Variants in RIPK3 observed in about 807,000 individuals in gnomAD.
RIPK3 encodes receptor-interacting serine/threonine-protein kinase 3.
A neutral mutation model predicts 51.6 loss-of-function variants in RIPK3; 51 were observed. The ratio of observed to expected loss-of-function variants is 0.99; its 90% confidence interval spans 0.79 to 1.25. The LOEUF (loss-of-function observed/expected upper bound fraction) is 1.25. Ranked by LOEUF, RIPK3 falls within the 50% of genes most tolerant of loss-of-function variation. RIPK3 has a pLI of 0.00. For synonymous variants in RIPK3, 246 were observed against 257.7 expected (o/e 0.95, Z 0.44); for missense variants, 654 against 650.4 (o/e 1.01, Z -0.06).
intron 3 of RIPK3, 172 bp downstream of exon 3, chr14:24,338,843 A>G (rs2042160809): frequency 1.5e-6 from 1 of 671,234 alleles, no homozygotes; most frequent in Non-Finnish European, 2.5e-6. Flanking sequence ...ATCACCTGGT[A>G]GGCAGGAGCT....
Position 24,339,364 on chromosome 14 carries a change from G to A in RIPK3, c.162-40C>T. ...AGAGCTGGAGTCGCACCGGGGTCGT[G>A]GGAAAATCCCTCCCTTCGCCATTCA... On this transcript the variant is annotated intron_variant, in intron 2 of 9. Coordinates refer to ENST00000216274, the MANE Select transcript of RIPK3 (RefSeq NM_006871.4). This position sits in a 1 kb window ranked among gnomAD's most constrained non-coding sequence, Gnocchi z 4.0. 6.2e-7 allele frequency: 1 copy of A among 1,607,864 alleles called. No individual in the cohort carries two copies. The highest frequency in any genetic ancestry group is 8.5e-7 in the Non-Finnish European group (1 of 1,175,476).
At chr14:24,338,672 A>C (rs1210266772) in intron 3 of RIPK3, 105 bp from the exon 4 acceptor site, 4 of 1,457,306 alleles carry the variant, frequency 2.7e-6, no homozygotes, top group African/African-American at 1.4e-5. Context: ...TTGTAAAGGG[A>C]GTGTGGAGGT....
In RIPK3 at chr14:24,337,766, G is replaced by A. The variant is rs758877093; in HGVS notation, c.833-4C>T. 6.2e-7 allele frequency: 1 copy of A among 1,614,020 alleles called. No individual in the cohort carries two copies. Among genetic ancestry groups the A allele is most frequent in the Admixed American group, 1.7e-5 (1 of 60,000 alleles). ...TCATCAGTTTTTGGTAGGCATTCTA[G>A]AGGGACAGCAGAGTGGAGTGCAGGT... On this transcript the variant is annotated splice_region_variant and splice_polypyrimidine_tract_variant and intron_variant, in intron 6 of 9. Coordinates refer to ENST00000216274, the MANE Select transcript of RIPK3 (RefSeq NM_006871.4).
intron 8 of RIPK3, 45 bp from the exon 9 acceptor site, chr14:24,336,990 C>G (rs960810636): frequency 3.1e-6 from 5 of 1,608,064 alleles, no homozygotes; most frequent in Non-Finnish European, 4.3e-6. Context: ...GAGCCTGGCA[C>G]TCCCACTGCA....
At chr14:24,336,497 T>A in intron 9 of RIPK3, 102 bp from the exon 10 acceptor site, 4 of 1,496,364 alleles carry the variant, frequency 2.7e-6, no homozygotes, top group Non-Finnish European at 3.6e-6. Flanking sequence ...AGTGGCTGTG[T>A]CAAGGTGTGC....
rs988003383 is a variant in RIPK3 at position 24,338,554 on chromosome 14, C to A, written c.485G>T (p.Gly162Val). 1.8e-5 allele frequency: 29 copies of A among 1,597,406 alleles called. No individual in the cohort carries two copies. The South Asian group carries it at 2.7e-4, about 15-fold the overall frequency. Reference protein sequence around the residue: ...PELHVKLADFGLSTFQGGSQS... With the variant: ...PELHVKLADFVLSTFQGGSQS... Reference sequence around the variant, plus strand: ...TGAGCCTCCCTGAAATGTGGACAGGCCAAAATCTGCCAGCTGCAAAGGAAG... The same window carrying A: ...TGAGCCTCCCTGAAATGTGGACAGGACAAAATCTGCCAGCTGCAAAGGAAG... Residue 162 changes from glycine (G) to valine (V), a missense_variant, in exon 4 of 10, where the codon GGC becomes GTC. Coordinates refer to ENST00000216274, the MANE Select transcript of RIPK3 (RefSeq NM_006871.4).
rs565407358 is a variant in RIPK3 at position 24,336,202 on chromosome 14, C to G, written c.1530G>C (p.Gln510His). Residue 510 changes from glutamine to histidine, a missense_variant, in exon 10 of 10, where the codon CAG becomes CAC. By Grantham distance (24) the Gln-to-His change is conservative. Coordinates refer to ENST00000216274, the MANE Select transcript of RIPK3 (RefSeq NM_006871.4). Reference sequence around the variant, plus strand: ...ATTTCCCGCTATGATTATACCAACCCTGTGGCCTGCTCCAGGCTTCAGGAT... The same window carrying G: ...ATTTCCCGCTATGATTATACCAACCGTGTGGCCTGCTCCAGGCTTCAGGAT... The part of the protein sequence containing the change: ...PKDPEAWSRP[Q>H]GWYNHSGK 2 of 1,613,922 alleles carry G rather than the reference C, an allele frequency of 1.2e-6. No homozygotes were observed. Among genetic ancestry groups the G allele is most frequent in the African/African-American group, 2.7e-5 (2 of 75,040 alleles).
In RIPK3 at chr14:24,339,749, T is replaced by TG; in HGVS notation, c.20+57dup. 1.9e-6 allele frequency: 3 copies of TG among 1,565,484 alleles called. No individual in the cohort carries two copies. In the South Asian group the frequency reaches 3.6e-5, roughly 19 times the overall value. On this transcript the variant is annotated intron_variant, in intron 1 of 9. Transcript: ENST00000216274. This position sits in a 1 kb window ranked among gnomAD's most constrained non-coding sequence, Gnocchi z 4.0. ...CAAAGACGTTCTCTGAGCGAGTCTGTGGGGCTCTCTGGGTGTGAATGTCGG... is the reference window on the plus strand; with the variant it reads ...CAAAGACGTTCTCTGAGCGAGTCTGTGGGGGCTCTCTGGGTGTGAATGTCGG...
chr14:24,339,956 C>A lies in RIPK3; in HGVS notation c.-130G>T. On this transcript the variant is annotated 5_prime_UTR_variant, in exon 1 of 10. Coordinates refer to ENST00000216274, the MANE Select transcript of RIPK3 (RefSeq NM_006871.4). The surrounding 1 kb of genome is among the most constrained non-coding windows in gnomAD (Gnocchi z 4.0). ...GCAGGGGTCAGTCTCTAGACCAAGA[C>A]GGTGAGTCTACTTTCCGGGTTGTTA... The A allele has an allele frequency of 2.1e-6, 2 of 950,124 alleles. No homozygotes were observed. The highest frequency in any genetic ancestry group is 2.7e-5 in the East Asian group (1 of 36,442). 58.9% of individuals were successfully genotyped at this position (950,124 alleles called of 1,614,324 possible). A position where few individuals can be genotyped will look rare whatever the true frequency, so the allele number is the denominator to read the frequency against.
intron 9 of RIPK3, chr14:24,336,652 G>C: frequency 1.5e-6 from 1 of 668,296 alleles, no homozygotes; most frequent in South Asian, 1.9e-5. Flanking sequence ...GGCTCACAGA[G>C]CTGGTGTTGT....
chr14:24,337,614 G>T, intron 7 of RIPK3, 81 bp downstream of exon 7: 1 of 1,540,886 alleles, frequency 6.5e-7, no homozygotes, highest in Non-Finnish European at 9.0e-7. Flanking sequence ...GCAGTGGTCA[G>T]TGGTGAGTCA....
rs764718796 is a variant in RIPK3, at chr14:24,337,758, G to C, written c.837C>G (p.Cys279Trp). 1 of 1,613,930 alleles carries C rather than the reference G, an allele frequency of 6.2e-7. No homozygotes were observed. The highest frequency in any genetic ancestry group is 1.1e-5 in the South Asian group (1 of 91,052). Residue 279 changes from cysteine to tryptophan, a missense_variant, in exon 7 of 10, where the codon TGC becomes TGG. By Grantham distance (215) the Cys-to-Trp change is radical. Transcript: ENST00000216274. ...EPKDRPSFQECLPKTDEVFQM... is the reference protein window; with the variant it reads ...EPKDRPSFQEWLPKTDEVFQM... Reference sequence around the variant, plus strand: ...GGAAGACTTCATCAGTTTTTGGTAGGCATTCTAGAGGGACAGCAGAGTGGA... The same window carrying C: ...GGAAGACTTCATCAGTTTTTGGTAGCCATTCTAGAGGGACAGCAGAGTGGA...
intron 5 of RIPK3, 82 bp downstream of exon 5, chr14:24,338,167 G>A: frequency 1.9e-6 from 3 of 1,555,930 alleles, no homozygotes; most frequent in Non-Finnish European, 2.6e-6. Context: ...GTCTAAGTAG[G>A]TGAGCGGGAA....
rs1411592461 is a variant in RIPK3 at position 24,336,258 on chromosome 14, G to A, written c.1474C>T (p.Pro492Ser). 11 of 1,614,058 alleles carry A rather than the reference G, an allele frequency of 6.8e-6. No individual in the cohort carries two copies. The highest frequency in any genetic ancestry group is 9.3e-6 in the Non-Finnish European group (11 of 1,180,006). Residue 492 changes from proline to serine, a missense_variant, in exon 10 of 10, where the codon CCA (proline) becomes TCA (serine). Physicochemically the swap from Pro to Ser is moderately conservative, Grantham distance 74 (BLOSUM62 -1). Coordinates refer to ENST00000216274, the MANE Select transcript of RIPK3 (RefSeq NM_006871.4). ...SGKGRGLQHP[P>S]PVGSQEGPKD... ...GGGCCTTCTTGCGAACCTACTGGTG[G>A]GGGGTGCTGCAAGCCCCTCCCCTTG...
At chr14:24,338,789 G>A in intron 3 of RIPK3, 1 of 706,348 alleles carries the variant, frequency 1.4e-6, no homozygotes, top group Non-Finnish European at 2.3e-6. Context: ...TGGAGGGGCT[G>A]GTGGGGCAGC....
Position 24,336,954 on chromosome 14 carries a change from A to G in RIPK3, c.1276-9T>C, listed in dbSNP as rs764636947. On this transcript the variant is annotated splice_polypyrimidine_tract_variant and intron_variant, in intron 8 of 9. Transcript: ENST00000216274. Reference sequence around the variant, plus strand: ...CCTTGTCTCTCAGCCCCCTGCAAACAGCACAGAGCATCCAGTTCTGCCCTG... The same window carrying G: ...CCTTGTCTCTCAGCCCCCTGCAAACGGCACAGAGCATCCAGTTCTGCCCTG... The G allele has an allele frequency of 1.2e-6, 2 of 1,613,468 alleles. No individual in the cohort carries two copies. The highest frequency in any genetic ancestry group is 1.7e-6 in the Non-Finnish European group (2 of 1,179,592).
At position 24,339,956 on chromosome 14, in the gene RIPK3, C is replaced by G. The variant is rs752302027; in HGVS notation, c.-130G>C. 17 of 950,122 alleles carry G rather than the reference C, an allele frequency of 1.8e-5. No homozygotes were observed. The highest frequency in any genetic ancestry group is 2.6e-5 in the Non-Finnish European group (17 of 656,718). The allele number at this position is 950,122 out of a possible 1,614,324, so 58.9% of individuals were successfully genotyped here. On this transcript the variant is annotated 5_prime_UTR_variant, in exon 1 of 10. Coordinates refer to ENST00000216274, the MANE Select transcript of RIPK3 (RefSeq NM_006871.4). The surrounding 1 kb of genome is among the most constrained non-coding windows in gnomAD (Gnocchi z 4.0). ...GCAGGGGTCAGTCTCTAGACCAAGA[C>G]GGTGAGTCTACTTTCCGGGTTGTTA...
At position 24,339,509 on chromosome 14, in the gene RIPK3, G is replaced by A. The variant is rs1417649781; in HGVS notation, c.109C>T (p.Arg37Trp). 1.2e-6 allele frequency: 2 copies of A among 1,614,170 alleles called. No homozygotes were observed. The highest frequency in any genetic ancestry group is 2.2e-5 in the East Asian group (1 of 44,868). Reference sequence around the variant, plus strand: ...TAGCCCCACTTCCTATGTTGCGCCCGGAACACTGTGCCGAACCCGCCTTTG... The same window carrying A: ...TAGCCCCACTTCCTATGTTGCGCCCAGAACACTGTGCCGAACCCGCCTTTG... ...VGKGGFGTVF[R>W]AQHRKWGYDV... The change falls in exon 2 of 10, where the codon CGG (arginine) becomes TGG (tryptophan). Residue 37 changes from arginine (R) to tryptophan (W), a missense_variant. Transcript: ENST00000216274. The surrounding 1 kb of genome is among the most constrained non-coding windows in gnomAD (Gnocchi z 4.0).
At position 24,337,188 on chromosome 14, in the gene RIPK3, C is replaced by T. The variant is rs55924006; in HGVS notation, c.1173G>A (p.Ser391=). 3.7e-5 allele frequency: 60 copies of T among 1,613,156 alleles called. No individual in the cohort carries two copies. The East Asian group carries it at 1.1e-3, about 31-fold the overall frequency. The change falls in exon 8 of 10, where the codon TCG becomes TCA. Residue 391 remains serine (S), a synonymous_variant. Transcript: ENST00000216274. The part of the protein sequence containing the change: ...QAWTAGTSSD[S]MAQPPQTPET... ...CTGGAGTCTGGGGAGGTTGGGCCAT[C>T]GAATCTGAAGATGTGCCTGCTGTCC...
Sources: gnomAD v4.1 joint callset for allele counts on GRCh38, gnomAD v4.1.1 for gene constraint, Gnocchi (gnomAD v3.1) non-coding constraint, MANE v1.5 for transcripts, NCBI Gene and HGNC (gene_info 2026-07-23, HGNC 2026-07-21) for gene names.